DTNA: variants seen among roughly 807,000 people sequenced by gnomAD.
DTNA encodes dystrobrevin alpha, also known as dystrophin-related protein 3.
DTNA carries 43 observed loss-of-function variants against 100.7 expected under a neutral mutation model. That is an observed-to-expected ratio of 0.43 (90% CI 0.33 to 0.55). DTNA has a LOEUF of 0.55. Among genes scored for constraint, DTNA ranks in the 20% least tolerant of loss-of-function variants. DTNA has a pLI of 0.04. For synonymous variants in DTNA, 349 were observed against 347.9 expected, an observed-to-expected ratio of 1.00 and a Z score of -0.04; for missense variants, 798 against 953.9, an observed-to-expected ratio of 0.84 and a Z score of 2.15.
At chr18:34,746,187 G>T (rs1258674614) in intron 1 of DTNA, among the ~76,000 whole-genome samples, 2 of 150,634 alleles carry the variant, frequency 1.3e-5, no homozygotes, top group Non-Finnish European at 3.0e-5. Flanking sequence ...TCTAATTTGG[G>T]GGGGGGACTT....
chr18:34,838,717 C>A, intron 12 of DTNA, 28 bp from the exon 13 acceptor site: 2 of 1,593,528 alleles, frequency 1.3e-6, no homozygotes, highest in Non-Finnish European at 1.7e-6. Context: ...CTTAACAACA[C>A]GCTTTCTTTC....
intron 2 of DTNA, among the ~76,000 whole-genome samples, chr18:34,762,945 T>C (rs189150436): frequency 3.1e-4 from 47 of 152,236 alleles, no homozygotes; most frequent in Admixed American, 5.9e-4. Flanking sequence ...TACTGCATCC[T>C]GGAGAAGTGC....
rs144656869 is a variant in DTNA, at chr18:34,866,942, T to C, written c.1743+2880T>C. On this transcript the variant is annotated intron_variant, in intron 17 of 22. Transcript: ENST00000444659. ...CCTAAACTGGAGCTGTCTGAACCTGTGGTCAGGCTCAAGAGCCAGCAGGGG... is the reference window on the plus strand; with the variant it reads ...CCTAAACTGGAGCTGTCTGAACCTGCGGTCAGGCTCAAGAGCCAGCAGGGG... 130 of 1,164,296 alleles carry C rather than the reference T, an allele frequency of 1.1e-4. No homozygotes were observed. The East Asian group carries it at 2.3e-3, about 20-fold the overall frequency. The allele number at this position is 1,164,296 out of a possible 1,614,324, so 72.1% of individuals were successfully genotyped here.
intron 1 of DTNA, among the ~76,000 whole-genome samples, chr18:34,602,696 T>G (rs2579804): frequency 6.6e-6 from 1 of 150,894 alleles, no homozygotes; most frequent in East Asian, 2.0e-4. Context: ...AGCCTGTCTC[T>G]ACAAAAAAAA....
rs71166024 is a variant in DTNA, at chr18:34,749,643, A to AAATAAT, written c.-1-6303_-1-6298dup. On this transcript the variant is annotated intron_variant, in intron 1 of 22. Transcript: ENST00000444659. ...GTGAGCTCATGCACCTCTCTCCAAA[A>AAATAAT]AATAATAATAATAATAATAATAATA... is the stretch of plus-strand genomic sequence containing the variant. Among the ~76,000 whole-genome samples the AAATAAT allele has an allele frequency of 8.8e-3, 349 of 39,852 alleles. 4 individuals are homozygous for AAATAAT. The highest frequency in any genetic ancestry group is 0.024 in the African/African-American group (326 of 13,836). 26.1% of individuals were successfully genotyped at this position (39,852 alleles called of 152,430 possible). A position where few individuals can be genotyped will look rare whatever the true frequency, so the allele number is the denominator to read the frequency against.
chr18:34,817,622 T>C (rs979486531), intron 7 of DTNA, among the ~76,000 whole-genome samples: 2 of 152,188 alleles, frequency 1.3e-5, no homozygotes, highest in Non-Finnish European at 2.9e-5. Context: ...ACACCACTCG[T>C]TAAGTAAGCC....
chr18:34,669,105 G>T (rs918859439), intron 1 of DTNA, among the ~76,000 whole-genome samples: 11 of 152,002 alleles, frequency 7.2e-5, no homozygotes, highest in Admixed American at 2.0e-4. Context: ...TGTATCTGGG[G>T]GCTCCTGTAT....
chr18:34,881,229 G>A (rs1461839978), intron 20 of DTNA, among the ~76,000 whole-genome samples: 5 of 152,058 alleles, frequency 3.3e-5, no homozygotes, highest in African/African-American at 4.8e-5. Flanking sequence ...TCATTTTAGG[G>A]AATAATTTAA....
At chr18:34,552,521 C>A (rs1003283989) in intron 1 of DTNA, among the ~76,000 whole-genome samples, 4 of 117,134 alleles carry the variant, frequency 3.4e-5, no homozygotes, top group African/African-American at 1.2e-4. Flanking sequence ...AATGCTATCC[C>A]TCCCCCCTCC....
intron 1 of DTNA, among the ~76,000 whole-genome samples, chr18:34,625,452 C>T (rs1050656041): frequency 2.0e-5 from 3 of 152,124 alleles, no homozygotes; most frequent in East Asian, 1.9e-4. Flanking sequence ...GGATTATAGG[C>T]GTGAGCCACT....
chr18:34,691,534 C>T (rs537362407), intron 1 of DTNA, among the ~76,000 whole-genome samples: 8 of 152,300 alleles, frequency 5.3e-5, no homozygotes, highest in African/African-American at 1.9e-4. Context: ...TCCAAGTACT[C>T]TCATCCACTT....
rs985441758 is a variant in DTNA at position 34,879,806 on chromosome 18, G to GT, written c.2162+94dup. 31 of 1,539,608 alleles carry GT rather than the reference G, an allele frequency of 2.0e-5. No homozygotes were observed. In the African/African-American group the frequency reaches 2.5e-4, roughly 12 times the overall value. ...GAAAGTAAAAGCATAATTGTTTAGG[G>GT]TTTTTTTAACCTTCAGAAGGGGTGA... On this transcript the variant is annotated intron_variant, in intron 20 of 22. Coordinates refer to ENST00000444659, the MANE Select transcript of DTNA (RefSeq NM_001386795.1).
intron 1 of DTNA, among the ~76,000 whole-genome samples, chr18:34,593,134 A>G (rs769813695): frequency 6.6e-6 from 1 of 152,304 alleles, no homozygotes; most frequent in Admixed American, 6.5e-5. Context: ...ATATCCGTCA[A>G]TGAAAGCATC....
At chr18:34,505,514 CTCTT>C (rs971998878) in intron 1 of DTNA, among the ~76,000 whole-genome samples, 49 of 152,306 alleles carry the variant, frequency 3.2e-4, no homozygotes, top group Admixed American at 9.8e-4. Flanking sequence ...TTCTTTCTCT[CTCTT>C]TTTATTCTCT....
rs115395465 is a variant in DTNA, at chr18:34,654,683, A to G, written c.-1-101293A>G. On this transcript the variant is annotated intron_variant, in intron 1 of 19. Coordinates refer to the DTNA transcript ENST00000283365. ...ACTTATCTTCCATGTGGGATAATCTATGTTCCACTATGTATGTGTTTAGAA... is the reference window on the plus strand; with the variant it reads ...ACTTATCTTCCATGTGGGATAATCTGTGTTCCACTATGTATGTGTTTAGAA... Among the ~76,000 whole-genome samples the G allele has an allele frequency of 5.3e-3, 807 of 152,286 alleles. 8 individuals carry two copies. The highest frequency in any genetic ancestry group is 0.018 in the African/African-American group (763 of 41,554).
chr18:34,603,454 A>C (rs1327416482), intron 1 of DTNA, among the ~76,000 whole-genome samples: 2 of 152,036 alleles, frequency 1.3e-5, no homozygotes, highest in Non-Finnish European at 2.9e-5. Flanking sequence ...AAAATTTACC[A>C]TCTTTACCAT....
chr18:34,587,267 G>T (rs186967563), intron 1 of DTNA, among the ~76,000 whole-genome samples: 2 of 152,016 alleles, frequency 1.3e-5, no homozygotes, highest in Non-Finnish European at 2.9e-5. Flanking sequence ...TGTTACTGGG[G>T]CTTTATAACC....
In DTNA at chr18:34,603,002, C is replaced by CA. The variant is rs919862684; in HGVS notation, c.-2+109498dup. Reference sequence around the variant, plus strand: ...CGGGCGACAGTGTGAGACTCCCTCTCAAAAAAAAAATACAAAATAAAAAAT... The same window carrying CA: ...CGGGCGACAGTGTGAGACTCCCTCTCAAAAAAAAAAATACAAAATAAAAAAT... On this transcript the variant is annotated intron_variant, in intron 1 of 19. Coordinates refer to the DTNA transcript ENST00000283365. Among the ~76,000 whole-genome samples the CA allele has an allele frequency of 7.0e-4, 99 of 141,388 alleles. 1 individual carries two copies. The highest frequency in any genetic ancestry group is 2.2e-3 in the East Asian group (11 of 4,902). 92.8% of individuals were successfully genotyped at this position (141,388 alleles called of 152,430 possible).
intron 1 of DTNA, among the ~76,000 whole-genome samples, chr18:34,529,715 G>A (rs2042965007): frequency 6.6e-6 from 1 of 152,058 alleles, no homozygotes; most frequent in Admixed American, 6.6e-5. Context: ...GTTTTTTAAT[G>A]TACTGTCTCT....
Sources: allele counts gnomAD v4.1 joint callset (sites outside exome capture counted in the v4.1 genomes callset), GRCh38; gene constraint gnomAD v4.1.1; transcripts MANE v1.5; gene names NCBI Gene and HGNC (gene_info 2026-07-23, HGNC 2026-07-21).